DNMT3A: variants seen among roughly 807,000 people sequenced by gnomAD.
DNMT3A encodes DNA methyltransferase 3 alpha, also known as DNA (cytosine-5)-methyltransferase 3A.
Under a neutral mutation model 117.6 loss-of-function variants are expected in DNMT3A, and 267 were observed. The ratio of observed to expected loss-of-function variants is 2.27; its 90% CI spans 2.05 to 2.51. The LOEUF (loss-of-function observed/expected upper bound fraction) is 2.51, where lower values mean the gene tolerates loss of function less well. Among genes scored for constraint, DNMT3A ranks in the 30% most tolerant of loss-of-function variants. The pLI is 0.00. For synonymous variants in DNMT3A, 432 were observed against 474.8 expected (o/e 0.91, Z 1.17); for missense variants, 1,029 against 1,260.2 (o/e 0.82, Z 2.78).
intron 5 of DNMT3A, 64 bp from the exon 6 acceptor site, chr2:25,275,151 C>A: frequency 2.7e-6 from 4 of 1,488,816 alleles, no homozygotes; most frequent in Non-Finnish European, 3.6e-6. Context: ...CAAGGAGGCA[C>A]TCGCCTCAAA....
At chr2:25,288,575 G>T (rs2032502236) in intron 3 of DNMT3A, among the ~76,000 whole-genome samples, 1 of 152,120 alleles carries the variant, frequency 6.6e-6, no homozygotes, top group Admixed American at 6.5e-5. Context: ...CTCCCAAAGT[G>T]CTGGGATTAC....
chr2:25,241,917 C>T (rs1445434076), intron 16 of DNMT3A: 7 of 608,662 alleles, frequency 1.2e-5, no homozygotes, highest in Non-Finnish European at 1.4e-5. Flanking sequence ...CTCGTTTGGC[C>T]TATCTGGAAG....
intron 1 of DNMT3A, among the ~76,000 whole-genome samples, chr2:25,316,404 C>A (rs2034384406): frequency 6.6e-6 from 1 of 152,252 alleles, no homozygotes; most frequent in African/African-American, 2.4e-5. Context: ...CAGAAACTGT[C>A]CTCACAGAAA....
intron 2 of DNMT3A, among the ~76,000 whole-genome samples, chr2:25,303,429 T>A (rs535562655): frequency 6.6e-6 from 1 of 152,262 alleles, no homozygotes; most frequent in South Asian, 2.1e-4. Flanking sequence ...CTCGGCACAT[T>A]TTTTTCCCTG....
intron 1 of DNMT3A, among the ~76,000 whole-genome samples, chr2:25,325,046 C>T (rs910547967): frequency 6.6e-6 from 1 of 152,178 alleles, no homozygotes; most frequent in African/African-American, 2.4e-5. Flanking sequence ...TATGATCACA[C>T]CAAACCTGCT....
intron 1 of DNMT3A, among the ~76,000 whole-genome samples, chr2:25,331,456 C>T (rs1315037002): frequency 1.3e-5 from 2 of 152,232 alleles, no homozygotes; most frequent in Non-Finnish European, 2.9e-5. Flanking sequence ...TCTCCGCAGA[C>T]CTGCCTCTGA....
Position 25,282,924 on chromosome 2 carries a change from T to C in DNMT3A, c.178-213A>G, listed in dbSNP as rs72810068. 0.29 allele frequency among the ~76,000 whole-genome samples: 43,591 copies of C among 152,072 alleles called. 6,400 individuals carry two copies. The highest frequency in any genetic ancestry group is 0.38 in the Middle Eastern group (113 of 294). ...TTGACCCCTTGAAATCACGAGTCTG[T>C]GGACTCCAGCTTCAGAAACAGGAAA... On this transcript the variant is annotated intron_variant, in intron 3 of 22. Coordinates refer to ENST00000321117, the MANE Select transcript of DNMT3A (RefSeq NM_022552.5). The surrounding 1 kb of genome is among the most constrained non-coding windows in gnomAD (Gnocchi z 5.2).
chr2:25,285,460 C>A (rs2032235429), intron 3 of DNMT3A, among the ~76,000 whole-genome samples: 1 of 152,242 alleles, frequency 6.6e-6, no homozygotes, highest in African/African-American at 2.4e-5. Flanking sequence ...AACTGCAGGG[C>A]CTGCCAAGCT....
chr2:25,248,335 T>C, intron 6 of DNMT3A, 83 bp from the exon 7 acceptor site: 1 of 1,470,236 alleles, frequency 6.8e-7, no homozygotes, highest in East Asian at 2.4e-5. Flanking sequence ...ACCATGTTTG[T>C]CAAAACCCGG....
chr2:25,248,423 G>T (rs558538145), intron 6 of DNMT3A, among the ~76,000 whole-genome samples, 171 bp from the exon 7 acceptor site: 1 of 152,210 alleles, frequency 6.6e-6, no homozygotes, highest in Non-Finnish European at 1.5e-5. Flanking sequence ...TTGAAGTAGA[G>T]AGGTGAACTC....
chr2:25,283,394 C>T (rs905199851), intron 3 of DNMT3A, among the ~76,000 whole-genome samples: 1 of 151,624 alleles, frequency 6.6e-6, no homozygotes, highest in Non-Finnish European at 1.5e-5. Flanking sequence ...CTCCTTGTGC[C>T]ACCCATAATC....
chr2:25,340,874 C>CCGGGAT (rs1422458753), intron 1 of DNMT3A, among the ~76,000 whole-genome samples: 1 of 142,230 alleles, frequency 7.0e-6, no homozygotes, highest in Non-Finnish European at 1.6e-5. Flanking sequence ...GGGCCCGGGC[C>CCGGGAT]CGGGATCCTC....
chr2:25,317,847 T>C (rs1165014154), intron 1 of DNMT3A, among the ~76,000 whole-genome samples: 1 of 152,180 alleles, frequency 6.6e-6, no homozygotes, highest in South Asian at 2.1e-4. Context: ...GCGATTCTCC[T>C]GCCTCAGCCT....
At chr2:25,239,406 A>ACGTT in intron 19 of DNMT3A, 191 bp from the exon 20 acceptor site, 1 of 661,392 alleles carries the variant, frequency 1.5e-6, no homozygotes, top group Admixed American at 2.1e-5. Context: ...TGTCACTGGA[A>ACGTT]CGTTCTAGAT....
In DNMT3A at chr2:25,239,212, TGGACTACAAAACAGGAGACG is replaced by T. The variant is rs1465603227; in HGVS notation, c.2323-17_2325del. The T allele has an allele frequency of 6.2e-7, 1 of 1,613,788 alleles. No homozygotes were observed. The highest frequency in any genetic ancestry group is 1.3e-5 in the African/African-American group (1 of 75,026). Reference sequence around the variant, plus strand: ...TCTTTGGCATCAATCATCACAGGGTTGGACTACAAAACAGGAGACGGTTTGAAGATGAGCCAAGGAGGAGC... The same window carrying T: ...TCTTTGGCATCAATCATCACAGGGTTGTTTGAAGATGAGCCAAGGAGGAGC... On this transcript the variant is annotated splice_acceptor_variant and splice_polypyrimidine_tract_variant and coding_sequence_variant and intron_variant, in exon 20 of 23. Transcript: ENST00000321117. LOFTEE classifies it high-confidence loss of function.
chr2:25,235,889 G>A (rs944679348), intron 21 of DNMT3A, 64 bp from the exon 22 acceptor site: 18 of 1,436,752 alleles, frequency 1.3e-5, no homozygotes, highest in Admixed American at 6.7e-5. Flanking sequence ...CTGGTCATGC[G>A]TCTACCAAAT....
Position 25,314,021 on chromosome 2 carries a change from T to C in DNMT3A, c.-37A>G. 2 of 1,504,406 alleles carry C rather than the reference T, an allele frequency of 1.3e-6. No homozygotes were observed. Among genetic ancestry groups the C allele is most frequent in the Non-Finnish European group, 1.8e-6 (2 of 1,126,738 alleles). 93.2% of individuals were successfully genotyped at this position (1,504,406 alleles called of 1,614,324 possible). ...GAGGCAGGCTGGGGCTGCGCGGGGCTGGGGGGCTGCTGGGCTTTGGGGAAG... is the reference window on the plus strand; with the variant it reads ...GAGGCAGGCTGGGGCTGCGCGGGGCCGGGGGGCTGCTGGGCTTTGGGGAAG... On this transcript the variant is annotated 5_prime_UTR_variant, in exon 2 of 23. Coordinates refer to ENST00000321117, the MANE Select transcript of DNMT3A (RefSeq NM_022552.5).
At chr2:25,274,781 A>C (rs2031256354) in intron 6 of DNMT3A, among the ~76,000 whole-genome samples, 160 bp downstream of exon 6, 1 of 151,860 alleles carries the variant, frequency 6.6e-6, no homozygotes, top group Admixed American at 6.6e-5. Context: ...GTGTTCAATA[A>C]GCATCTGCTG....
chr2:25,250,595 G>A (rs1558677863), intron 6 of DNMT3A, among the ~76,000 whole-genome samples: 1 of 152,228 alleles, frequency 6.6e-6, no homozygotes, highest in Non-Finnish European at 1.5e-5. Context: ...GTGCACTGAA[G>A]TGTGGACCCC....
Sources: allele counts gnomAD v4.1 joint callset (sites outside exome capture counted in the v4.1 genomes callset), GRCh38; gene constraint gnomAD v4.1.1; non-coding constraint Gnocchi (gnomAD v3.1); transcripts MANE v1.5; gene names NCBI Gene and HGNC (gene_info 2026-07-23, HGNC 2026-07-21).